DCAF11: variants seen among roughly 807,000 people sequenced by gnomAD.
The protein encoded by DCAF11 is DDB1- and CUL4-associated factor 11.
In DCAF11, 44 loss-of-function variants were observed where a neutral mutation model predicts 76.1. That is an observed-to-expected ratio of 0.58 (90% CI 0.45 to 0.74). The LOEUF is 0.74. DCAF11 is among the 30% of genes least tolerant of loss of function. The pLI is 0.00. For synonymous variants in DCAF11, 258 were observed against 255.0 expected, an observed-to-expected ratio of 1.01 and a Z score of -0.11; for missense variants, 604 against 709.4, an observed-to-expected ratio of 0.85 and a Z score of 1.69.
At chr14:24,121,598 A>G in intron 13 of DCAF11, 81 bp downstream of exon 13, 1 of 1,499,220 alleles carries the variant, frequency 6.7e-7, no homozygotes. Context: ...ACTAGTGACC[A>G]CCTTAAAAAG....
chr14:24,121,221 T>C, intron 12 of DCAF11, 144 bp from the exon 13 acceptor site: 4 of 1,205,624 alleles, frequency 3.3e-6, no homozygotes, highest in Non-Finnish European at 2.4e-6. Flanking sequence ...GACTGTCCAC[T>C]GACTATTAGG....
chr14:24,118,018 A>C, intron 5 of DCAF11, 37 bp from the exon 6 acceptor site: 1 of 1,426,366 alleles, frequency 7.0e-7, no homozygotes, highest in East Asian at 2.3e-5. Flanking sequence ...CCTTATCCTG[A>C]GCACCCCTCA....
rs938944497 is a variant in DCAF11, at chr14:24,118,210, C to G, written c.577+55C>G. 15 of 1,573,120 alleles carry G rather than the reference C, an allele frequency of 9.5e-6. No homozygotes were observed. The African/African-American group carries it at 2.0e-4, about 21-fold the overall frequency. On this transcript the variant is annotated intron_variant, in intron 6 of 14. Coordinates refer to ENST00000446197, the MANE Select transcript of DCAF11 (RefSeq NM_025230.5). ...TTTCCTGGAACATGGGACATTCCCC[C>G]TGACTGAGGCTAGAAAGCCACAGAC...
intron 2 of DCAF11, among the ~76,000 whole-genome samples, chr14:24,116,577 G>A (rs1051009282): frequency 6.6e-6 from 1 of 152,202 alleles, no homozygotes; most frequent in African/African-American, 2.4e-5. Context: ...AGGAAATGCT[G>A]TGAGGATGTT....
At position 24,114,994 on chromosome 14, in the gene DCAF11, A is replaced by G. The variant is rs1331072420; in HGVS notation, c.-513A>G. ...GGTGCTTCTCGGCTTCCTCCCCCTC[A>G]TGGCGTACACACCCCCGGCGCACCA... On this transcript the variant is annotated 5_prime_UTR_variant, in exon 1 of 15. The change abolishes an upstream ATG in the 5' untranslated region. Transcript: ENST00000446197. 1.2e-5 allele frequency: 12 copies of G among 985,814 alleles called. No homozygotes were observed. Among genetic ancestry groups the G allele is most frequent in the African/African-American group, 5.2e-5 (3 of 57,250 alleles). The allele number at this position is 985,814 out of a possible 1,614,324, so 61.1% of individuals were successfully genotyped here. A position where few individuals can be genotyped will look rare whatever the true frequency, so the allele number is the denominator to read the frequency against.
At chr14:24,116,830 G>C (rs2037585120) in intron 2 of DCAF11, 87 bp from the exon 3 acceptor site, 3 of 1,582,556 alleles carry the variant, frequency 1.9e-6, no homozygotes, top group Non-Finnish European at 2.6e-6. Context: ...AGTACCAAGT[G>C]GTCTAAGAGC....
chr14:24,118,398 C>T lies in DCAF11; in HGVS notation c.588C>T (p.Ile196=). The change falls in exon 7 of 15, where the codon ATC becomes ATT. Residue 196 remains isoleucine (I), a synonymous_variant. Transcript: ENST00000446197. ...TCTTTACTTACACAGACCAGACAAT[C>T]CGACTCTATGACTGCCGATATGGCC... is the stretch of plus-strand genomic sequence containing the variant. ...IFMSACQDQT[I]RLYDCRYGRF... 1 of 1,614,204 alleles carries T rather than the reference C, an allele frequency of 6.2e-7. No homozygotes were observed. Among genetic ancestry groups the T allele is most frequent in the Non-Finnish European group, 8.5e-7 (1 of 1,180,040 alleles).
rs758460322 is a variant in DCAF11, at chr14:24,119,825, C to T, written c.1021C>T (p.Arg341Trp). 5.6e-6 allele frequency: 9 copies of T among 1,613,996 alleles called. No homozygotes were observed. Among genetic ancestry groups the T allele is most frequent in the South Asian group, 4.4e-5 (4 of 91,080 alleles). ...ICKVWDRRTMREDDPKPVGAL... is the reference protein window; with the variant it reads ...ICKVWDRRTMWEDDPKPVGAL... ...CAAAGTGTGGGATCGACGCACCATG[C>T]GGGAGGATGACCCCAAGCCTGTGGG... Residue 341 changes from arginine (R) to tryptophan (W), a missense_variant, in exon 11 of 15, where the codon CGG becomes TGG. Arg to Trp is a moderately radical substitution (Grantham distance 101). Transcript: ENST00000446197.
At position 24,118,505 on chromosome 14, in the gene DCAF11, A is replaced by G; in HGVS notation, c.695A>G (p.His232Arg). 6.2e-7 allele frequency: 1 copy of G among 1,614,130 alleles called. No individual in the cohort carries two copies. The highest frequency in any genetic ancestry group is 8.5e-7 in the Non-Finnish European group (1 of 1,180,028). Residue 232 changes from histidine to arginine, a missense_variant, in exon 7 of 15, where the codon CAC becomes CGC. Physicochemically the swap from His to Arg is conservative, Grantham distance 29. Transcript: ENST00000446197. ...LDVAFTPDGN[H>R]FLYSSWSDYI... ...GTGGCCTTCACCCCTGATGGGAACC[A>G]CTTCCTCTACTCTAGCTGGTCTGAT...
At position 24,123,022 on chromosome 14, in the gene DCAF11, C is replaced by A; in HGVS notation, c.1451C>A (p.Ala484Asp). The change falls in exon 14 of 15, where the codon GCC becomes GAC. Residue 484 changes from alanine to aspartate, a missense_variant. Physicochemically the swap from Ala to Asp is moderately radical, Grantham distance 126. Coordinates refer to ENST00000446197, the MANE Select transcript of DCAF11 (RefSeq NM_025230.5). ...HIVKKLTNHK[A>D]CVRDVSWHPF... Reference sequence around the variant, plus strand: ...GTGAAGAAGCTGACCAACCACAAGGCCTGTGTGCGTGACGTCAGTTGGCAC... The same window carrying A: ...GTGAAGAAGCTGACCAACCACAAGGACTGTGTGCGTGACGTCAGTTGGCAC... 1.2e-6 allele frequency: 2 copies of A among 1,614,168 alleles called. No homozygotes were observed. Among genetic ancestry groups the A allele is most frequent in the Non-Finnish European group, 1.7e-6 (2 of 1,180,018 alleles).
chr14:24,119,064 C>A, intron 8 of DCAF11, 81 bp from the exon 9 acceptor site: 1 of 1,569,056 alleles, frequency 6.4e-7, no homozygotes, highest in Non-Finnish European at 8.8e-7. Context: ...TGGGGATGTG[C>A]CTTACAACCG....
At position 24,121,372 on chromosome 14, in the gene DCAF11, G is replaced by T. The variant is rs1220289117; in HGVS notation, c.1254G>T (p.Arg418=). Residue 418 remains arginine, a synonymous_variant, in exon 13 of 15, where the codon CGG becomes CGT. Coordinates refer to ENST00000446197, the MANE Select transcript of DCAF11 (RefSeq NM_025230.5). ...RWQQVPKKAW[R]KLKLPGDSSL... Reference sequence around the variant, plus strand: ...CTCTGCATCCCTACCCAGCCTGGCGGAAGCTGAAGCTCCCAGGGGACAGCT... The same window carrying T: ...CTCTGCATCCCTACCCAGCCTGGCGTAAGCTGAAGCTCCCAGGGGACAGCT... 7 of 1,614,068 alleles carry T rather than the reference G, an allele frequency of 4.3e-6. No homozygotes were observed. In the African/African-American group the frequency reaches 9.3e-5, roughly 22 times the overall value.
Position 24,123,303 on chromosome 14 carries a change from C to G in DCAF11, c.1635C>G (p.Pro545=). ...AATCCTCTACACCCTTTTCCTCACC[C>G]CAGTAGATCCAACCTCCAGCCCCAT... ...VPQSSTPFSS[P]Q The change falls in exon 15 of 15, where the codon CCC becomes CCG. Residue 545 remains proline, a synonymous_variant. Coordinates refer to ENST00000446197, the MANE Select transcript of DCAF11 (RefSeq NM_025230.5). 6.6e-7 allele frequency: 1 copy of G among 1,526,010 alleles called. No homozygotes were observed. The highest frequency in any genetic ancestry group is 2.1e-5 in the Admixed American group (1 of 46,588). 94.5% of individuals were successfully genotyped at this position (1,526,010 alleles called of 1,614,324 possible). A position where few individuals can be genotyped will look rare whatever the true frequency, so the allele number is the denominator to read the frequency against.
Position 24,116,904 on chromosome 14 carries a change from G to A in DCAF11, c.156-13G>A. ...AAGAAGTCCCCTCCTTTATAATGGGGGTCTCTCCACAGAGGCCAAGTGAGG... is the reference window on the plus strand; with the variant it reads ...AAGAAGTCCCCTCCTTTATAATGGGAGTCTCTCCACAGAGGCCAAGTGAGG... On this transcript the variant is annotated splice_polypyrimidine_tract_variant and intron_variant, in intron 2 of 14. Transcript: ENST00000446197. 1 of 1,613,992 alleles carries A rather than the reference G, an allele frequency of 6.2e-7. No homozygotes were observed. The highest frequency in any genetic ancestry group is 8.5e-7 in the Non-Finnish European group (1 of 1,179,988).
chr14:24,118,977 A>G (rs1204463149), intron 8 of DCAF11, 168 bp from the exon 9 acceptor site: 5 of 1,131,560 alleles, frequency 4.4e-6, no homozygotes, highest in Non-Finnish European at 6.5e-6. Context: ...GGTAAAATAG[A>G]TGGTTGCAGG....
Position 24,117,697 on chromosome 14 carries a change from C to T in DCAF11, c.441C>T (p.Ser147=), listed in dbSNP as rs1359157547. 1.9e-6 allele frequency: 3 copies of T among 1,614,154 alleles called. No homozygotes were observed. Among genetic ancestry groups the T allele is most frequent in the Non-Finnish European group, 8.5e-7 (1 of 1,180,006 alleles). ...AACGGGGCCTCTGCCATCGGGGAAGCTTCTCCCTTGGAGAACAGTCTCGAG... is the reference window on the plus strand; with the variant it reads ...AACGGGGCCTCTGCCATCGGGGAAGTTTCTCCCTTGGAGAACAGTCTCGAG... ...QRERGLCHRG[S]FSLGEQSRVI... is the part of the protein sequence containing the mutation. The change falls in exon 5 of 15, where the codon AGC becomes AGT. Residue 147 remains serine (S), a synonymous_variant. Transcript: ENST00000446197. The surrounding 1 kb of genome is among the most constrained non-coding windows in gnomAD (Gnocchi z 4.3).
Position 24,122,330 on chromosome 14 carries a change from G to A in DCAF11, c.1400-641G>A, listed in dbSNP as rs559820541. Among the ~76,000 whole-genome samples the A allele has an allele frequency of 4.0e-5, 6 of 151,704 alleles. No individual in the cohort carries two copies. In the East Asian group the frequency reaches 1.2e-3, roughly 29 times the overall value. ...AAATTAGCCAGGCATGGTGGCAGGCGCTGGTAATCACAAGCTACTTGGGAG... is the reference window on the plus strand; with the variant it reads ...AAATTAGCCAGGCATGGTGGCAGGCACTGGTAATCACAAGCTACTTGGGAG... On this transcript the variant is annotated intron_variant, in intron 13 of 14. Coordinates refer to ENST00000446197, the MANE Select transcript of DCAF11 (RefSeq NM_025230.5).
chr14:24,121,551 A>AG, intron 13 of DCAF11, 34 bp downstream of exon 13: 1 of 1,609,184 alleles, frequency 6.2e-7, no homozygotes, highest in African/African-American at 1.3e-5. Context: ...GGCCTCAGGA[A>AG]GGGCAGGAAT....
In DCAF11 at chr14:24,117,882, G is replaced by A. The variant is rs2037612310; in HGVS notation, c.476+150G>A. 8 of 979,322 alleles carry A rather than the reference G, an allele frequency of 8.2e-6. No homozygotes were observed. Among genetic ancestry groups the A allele is most frequent in the South Asian group, 3.1e-5 (2 of 63,634 alleles). 60.7% of individuals were successfully genotyped at this position (979,322 alleles called of 1,614,324 possible). ...TTGAGAGTAAACAAAGTAGAAAAGT[G>A]TAGAAAATTGTAGAAATTTAGAGGA... is the stretch of plus-strand genomic sequence containing the variant. On this transcript the variant is annotated intron_variant, in intron 5 of 14. Coordinates refer to ENST00000446197, the MANE Select transcript of DCAF11 (RefSeq NM_025230.5). The surrounding 1 kb of genome is among the most constrained non-coding windows in gnomAD (Gnocchi z 4.3).
Sources: allele counts gnomAD v4.1 joint callset (sites outside exome capture counted in the v4.1 genomes callset), GRCh38; gene constraint gnomAD v4.1.1; non-coding constraint Gnocchi (gnomAD v3.1); transcripts MANE v1.5; gene names NCBI Gene and HGNC (gene_info 2026-07-23, HGNC 2026-07-21).